Variants in PLEKHG1 observed in about 807,000 individuals in gnomAD.
PLEKHG1 encodes pleckstrin homology domain-containing family G member 1.
PLEKHG1 carries 44 observed loss-of-function variants against 100.8 expected under a neutral mutation model. The observed-to-expected ratio is 0.44, with a 90% CI of 0.34 to 0.56. The LOEUF is 0.56. Among genes scored for constraint, PLEKHG1 ranks in the 20% least tolerant of loss-of-function variants. PLEKHG1 has a pLI of 0.01. For synonymous variants in PLEKHG1, 640 were observed against 662.5 expected, an observed-to-expected ratio of 0.97 and a Z score of 0.52; for missense variants, 1,545 against 1,720.9, an observed-to-expected ratio of 0.90 and a Z score of 1.81.
At position 150,841,075 on chromosome 6, in the gene PLEKHG1, A is replaced by C. The variant is rs568848640; in HGVS notation, c.*179A>C. ...TGGCTGACGATGCAGCCCGGATTGT[A>C]CTGTAGCACATGTTGGCATCAACAG... is the stretch of plus-strand genomic sequence containing the variant. On this transcript the variant is annotated 3_prime_UTR_variant, in exon 16 of 16. Coordinates refer to ENST00000358517, the Ensembl canonical transcript of PLEKHG1. 6.3e-5 allele frequency: 44 copies of C among 700,126 alleles called. No homozygotes were observed. The East Asian group carries it at 1.2e-3, about 18-fold the overall frequency. The allele number at this position is 700,126 out of a possible 1,614,324, so 43.4% of individuals were successfully genotyped here.
intron 3 of PLEKHG1, among the ~76,000 whole-genome samples, chr6:150,659,093 G>A (rs1263133436): frequency 6.6e-6 from 1 of 152,078 alleles, no homozygotes; most frequent in African/African-American, 2.4e-5. Context: ...AGATGTGCAC[G>A]CAGCCCAGCC....
chr6:150,814,940 G>A (rs1787776169), intron 10 of PLEKHG1, among the ~76,000 whole-genome samples: 1 of 152,028 alleles, frequency 6.6e-6, no homozygotes, highest in South Asian at 2.1e-4. Flanking sequence ...GGCTGGTCTC[G>A]AACTCCCGGC....
intron 1 of PLEKHG1, among the ~76,000 whole-genome samples, chr6:150,628,576 A>ACACACACACACACACACACACC (rs1317085737): frequency 4.7e-4 from 51 of 108,180 alleles, no homozygotes; most frequent in African/African-American, 1.5e-3. Context: ...ACACACACAC[A>ACACACACACACACACACACACC]CCCCGTCCTT....
intron 3 of PLEKHG1, among the ~76,000 whole-genome samples, chr6:150,769,599 A>AAAG (rs1784613480): frequency 6.6e-6 from 1 of 151,486 alleles, no homozygotes; most frequent in African/African-American, 2.4e-5. Flanking sequence ...AAAAAAAAAA[A>AAAG]AAAAGAAAGA....
At chr6:150,717,974 A>C (rs1348276290), upstream of PLEKHG1, among the ~76,000 whole-genome samples, 1 of 152,140 alleles carries the variant, frequency 6.6e-6, no homozygotes, top group Non-Finnish European at 1.5e-5. Flanking sequence ...GCTACTCAGG[A>C]GGCTGAGGTG....
chr6:150,633,632 G>A (rs569363822), intron 1 of PLEKHG1, among the ~76,000 whole-genome samples: 50 of 152,318 alleles, frequency 3.3e-4, no homozygotes, highest in African/African-American at 1.1e-3. Flanking sequence ...CAGAGGTGGT[G>A]CAGAGGGTAG....
intron 3 of PLEKHG1, among the ~76,000 whole-genome samples, chr6:150,666,230 A>G (rs557843871): frequency 2.0e-5 from 3 of 152,196 alleles, no homozygotes; most frequent in Non-Finnish European, 2.9e-5. Flanking sequence ...TCTGCAATCC[A>G]ATGGAGTTGT....
intron 2 of PLEKHG1, among the ~76,000 whole-genome samples, chr6:150,736,567 G>C (rs988276830): frequency 6.6e-6 from 1 of 152,100 alleles, no homozygotes; most frequent in Non-Finnish European, 1.5e-5. Flanking sequence ...TCGGGAGTTC[G>C]AGACCAGCCT....
chr6:150,803,593 G>C (rs895546365), intron 6 of PLEKHG1, among the ~76,000 whole-genome samples: 2 of 152,104 alleles, frequency 1.3e-5, no homozygotes, highest in Non-Finnish European at 2.9e-5. Context: ...CCAGTGGTAA[G>C]ATGATTGCTA....
intron 2 of PLEKHG1, among the ~76,000 whole-genome samples, chr6:150,738,729 G>T (rs369523861): frequency 1.9e-3 from 286 of 152,140 alleles, no homozygotes; most frequent in Non-Finnish European, 3.2e-3. Context: ...TGGCTCTTCC[G>T]TCCTCTGCTC....
intron 3 of PLEKHG1, among the ~76,000 whole-genome samples, chr6:150,785,514 T>C (rs749067389): frequency 1.3e-5 from 2 of 152,222 alleles, no homozygotes; most frequent in Non-Finnish European, 2.9e-5. Flanking sequence ...ATTATGCTGT[T>C]ACTTAAAATA....
At chr6:150,698,499 T>TATATACAC (rs66635945) in intron 3 of PLEKHG1, among the ~76,000 whole-genome samples, 10,608 of 151,860 alleles carry the variant, frequency 0.07, 448 homozygotes, top group South Asian at 0.16. Context: ...ATACTATATA[T>TATATACAC]ACACACACAC....
At chr6:150,649,899 C>G (rs1015017836) in intron 2 of PLEKHG1, among the ~76,000 whole-genome samples, 1 of 152,164 alleles carries the variant, frequency 6.6e-6, no homozygotes, top group African/African-American at 2.4e-5. Flanking sequence ...GTAGTCCCAG[C>G]TGCTGGGGAG....
chr6:150,628,158 G>A (rs925640288), intron 1 of PLEKHG1, among the ~76,000 whole-genome samples: 7 of 152,104 alleles, frequency 4.6e-5, no homozygotes, highest in African/African-American at 1.7e-4. Flanking sequence ...TGGTAATACT[G>A]ACATGATTGT....
chr6:150,673,852 TG>T (rs1779652910), intron 3 of PLEKHG1, among the ~76,000 whole-genome samples: 1 of 152,092 alleles, frequency 6.6e-6, no homozygotes, highest in Non-Finnish European at 1.5e-5. Flanking sequence ...TTTGTAGAGA[TG>T]AGCTTTTGCT....
intron 4 of PLEKHG1, among the ~76,000 whole-genome samples, chr6:150,793,635 T>G (rs1472477718): frequency 6.6e-6 from 1 of 152,246 alleles, no homozygotes; most frequent in Admixed American, 6.5e-5. Flanking sequence ...AACCAGACTT[T>G]ATGTCCATTG....
chr6:150,762,443 C>G (rs1316614811), intron 2 of PLEKHG1, among the ~76,000 whole-genome samples: 1 of 151,934 alleles, frequency 6.6e-6, no homozygotes, highest in Non-Finnish European at 1.5e-5. Flanking sequence ...TGATAACCTG[C>G]CTGCCTCGGC....
At chr6:150,804,857 G>C in intron 7 of PLEKHG1, 116 bp downstream of exon 8, 1 of 931,324 alleles carries the variant, frequency 1.1e-6, no homozygotes, top group Non-Finnish European at 1.6e-6. Flanking sequence ...CTTCAGTGTA[G>C]TTCTCCCTGA....
chr6:150,791,988 G>A (rs1262113659), intron 4 of PLEKHG1, among the ~76,000 whole-genome samples: 5 of 152,202 alleles, frequency 3.3e-5, no homozygotes, highest in Admixed American at 6.6e-5. Context: ...ATAAAGCAAA[G>A]AAGTATTTAT....
Sources: allele counts gnomAD v4.1 joint callset (sites outside exome capture counted in the v4.1 genomes callset), GRCh38; gene constraint gnomAD v4.1.1; transcripts MANE v1.5; gene names NCBI Gene and HGNC (gene_info 2026-07-23, HGNC 2026-07-21).